Variants in USP49 observed in about 807,000 individuals in gnomAD.
USP49 encodes the protein ubiquitin specific peptidase 49, also known as ubiquitin carboxyl-terminal hydrolase 49.
In USP49, 24 loss-of-function variants were observed where a neutral mutation model predicts 58.6. The ratio of observed to expected loss-of-function variants is 0.41; its 90% CI spans 0.30 to 0.58. The LOEUF (loss-of-function observed/expected upper bound fraction) is 0.58, where lower values mean the gene tolerates loss of function less well. USP49 is among the 20% of genes least tolerant of loss of function. The pLI is 0.30. For missense variants in USP49, 703 were observed against 866.1 expected (o/e 0.81, Z 2.36); for synonymous variants, 408 against 365.1 (o/e 1.12, Z -1.34).
chr6:41,835,001 T>C (rs538590167), intron 3 of USP49, among the ~76,000 whole-genome samples: 1 of 151,968 alleles, frequency 6.6e-6, no homozygotes, highest in Non-Finnish European at 1.5e-5. Flanking sequence ...AGTGGAGAGA[T>C]GGTAATAAGG....
chr6:41,884,950 C>G (rs1415791071), intron 2 of USP49, among the ~76,000 whole-genome samples: 1 of 152,094 alleles, frequency 6.6e-6, no homozygotes, highest in East Asian at 1.9e-4. Flanking sequence ...AATCAAAATA[C>G]AAAAAGAACT....
In USP49 at chr6:41,816,702, C is replaced by CTATTATTATTATTATTAT. The variant is rs10631115; in HGVS notation, c.-28-9709_-28-9692dup. On this transcript the variant is annotated intron_variant, in intron 3 of 7. Transcript: ENST00000682992. ...GTGTACTCACACAGAGTTCCACACT[C>CTATTATTATTATTATTAT]TATTATTATTATTATTATTTTATTT... 3.7e-3 allele frequency among the ~76,000 whole-genome samples: 557 copies of CTATTATTATTATTATTAT among 149,628 alleles called. 6 individuals carry two copies. Among genetic ancestry groups the CTATTATTATTATTATTAT allele is most frequent in the African/African-American group, 0.013 (531 of 40,698 alleles).
At chr6:41,856,130 T>C (rs1479186406) in intron 3 of USP49, among the ~76,000 whole-genome samples, 2 of 151,984 alleles carry the variant, frequency 1.3e-5, no homozygotes, top group Non-Finnish European at 2.9e-5. Context: ...TCCCAGCACT[T>C]TGGGAGGCCT....
chr6:41,835,465 G>A (rs2127344181), intron 3 of USP49, among the ~76,000 whole-genome samples: 1 of 152,284 alleles, frequency 6.6e-6, no homozygotes, highest in South Asian at 2.1e-4. Context: ...TGTAATCCCA[G>A]CACTTTGGGA....
In USP49 at chr6:41,806,696, T is replaced by A. The variant is rs937247494; in HGVS notation, c.288A>T (p.Arg96Ser). Residue 96 changes from arginine to serine, a missense_variant, in exon 4 of 8, where the codon AGA (arginine) becomes AGT (serine). Around this residue, in one of 6 missense-constraint regions of USP49, gnomAD observed 376 missense variants for 373.5 expected, o/e 1.01. Transcript: ENST00000682992. The surrounding 1 kb of genome is among the most constrained non-coding windows in gnomAD (Gnocchi z 5.9). ...DNPEGDLKLL[R>S]SSLLAVRGQK... ...GGCCCCGGACCGCCAGGAGGGAGCT[T>A]CTTAGCAGCTTCAGGTCCCCCTCTG... is the stretch of plus-strand genomic sequence containing the variant. 1 of 1,614,104 alleles carries A rather than the reference T, an allele frequency of 6.2e-7. No homozygotes were observed. The highest frequency in any genetic ancestry group is 2.2e-5 in the East Asian group (1 of 44,902).
intron 3 of USP49, among the ~76,000 whole-genome samples, chr6:41,867,384 G>C (rs1444034813): frequency 2.0e-5 from 3 of 152,042 alleles, no homozygotes; most frequent in African/African-American, 7.2e-5. Flanking sequence ...CAATCTTTCT[G>C]TCTGCAAGTT....
intron 3 of USP49, among the ~76,000 whole-genome samples, chr6:41,864,017 C>G (rs1180745301): frequency 5.3e-5 from 8 of 151,514 alleles, no homozygotes; most frequent in Admixed American, 5.3e-4. Flanking sequence ...AATCCTACCA[C>G]CTCAGCCTCT....
chr6:41,851,790 T>C (rs933196530), intron 3 of USP49, among the ~76,000 whole-genome samples: 2 of 150,686 alleles, frequency 1.3e-5, no homozygotes, highest in African/African-American at 4.9e-5. Context: ...CCATCTCTAC[T>C]AAAAATACAA....
intron 3 of USP49, among the ~76,000 whole-genome samples, chr6:41,810,790 T>G (rs1236395909): frequency 6.6e-6 from 1 of 151,792 alleles, no homozygotes; most frequent in Admixed American, 6.6e-5. Flanking sequence ...CAGGTGATCC[T>G]GAGGTCAGGT....
At position 41,836,514 on chromosome 6, in the gene USP49, C is replaced by T. The variant is rs1489307685; in HGVS notation, c.-28-29503G>A. Among the ~76,000 whole-genome samples, 3 of 152,140 alleles carry T rather than the reference C, an allele frequency of 2.0e-5. No homozygotes were observed. In the East Asian group the frequency reaches 5.8e-4, roughly 29 times the overall value. ...CCTACTCAGCGTAGTACTGGAATTC[C>T]TAACCAGAACAATCAGGCAAGAAAA... On this transcript the variant is annotated intron_variant, in intron 3 of 7. Coordinates refer to ENST00000682992, the MANE Select transcript of USP49 (RefSeq NM_001286554.2).
At position 41,806,674 on chromosome 6, in the gene USP49, C is replaced by T; in HGVS notation, c.310G>A (p.Gly104Ser). The T allele has an allele frequency of 6.2e-7, 1 of 1,614,152 alleles. No individual in the cohort carries two copies. Among genetic ancestry groups the T allele is most frequent in the Non-Finnish European group, 8.5e-7 (1 of 1,180,040 alleles). The change falls in exon 4 of 8, where the codon GGC becomes AGC. Residue 104 changes from glycine (G) to serine (S), a missense_variant. By Grantham distance (56) the Gly-to-Ser change is moderately conservative. Around this residue, in one of 6 missense-constraint regions of USP49, gnomAD observed 376 missense variants for 373.5 expected, o/e 1.01. Transcript: ENST00000682992. This position sits in a 1 kb window ranked among gnomAD's most constrained non-coding sequence, Gnocchi z 5.9. ...CTCACCGGCGTGTCCTGTTTCTGGC[C>T]CCGGACCGCCAGGAGGGAGCTTCTT... ...LLRSSLLAVR[G>S]QKQDTPVRRG... is the part of the protein sequence containing the mutation.
rs974130884 is a variant in USP49 at position 41,796,366 on chromosome 6, A to C, written c.*167T>G. The C allele has an allele frequency of 1.9e-6, 1 of 535,308 alleles. No homozygotes were observed. The highest frequency in any genetic ancestry group is 1.9e-5 in the African/African-American group (1 of 53,384). 33.2% of individuals were successfully genotyped at this position (535,308 alleles called of 1,614,324 possible). A position where few individuals can be genotyped will look rare whatever the true frequency, so the allele number is the denominator to read the frequency against. ...GGAACTCCCAAACTCATTCAAAAGA[A>C]AGAGACTATAAAATTTACGACAGGA... On this transcript the variant is annotated 3_prime_UTR_variant, in exon 8 of 8. Coordinates refer to ENST00000682992, the MANE Select transcript of USP49 (RefSeq NM_001286554.2).
intron 3 of USP49, among the ~76,000 whole-genome samples, chr6:41,836,287 T>C (rs151001889): frequency 1.3e-4 from 20 of 152,164 alleles, no homozygotes; most frequent in African/African-American, 4.8e-4. Flanking sequence ...ATCATCTCCA[T>C]AGATGCAGAA....
At position 41,827,649 on chromosome 6, in the gene USP49, G is replaced by T. The variant is rs1351048073; in HGVS notation, c.-28-20638C>A. 2.1e-5 allele frequency among the ~76,000 whole-genome samples: 3 copies of T among 146,226 alleles called. No individual in the cohort carries two copies. The East Asian group carries it at 5.9e-4, about 29-fold the overall frequency. On this transcript the variant is annotated intron_variant, in intron 3 of 7. Coordinates refer to ENST00000682992, the MANE Select transcript of USP49 (RefSeq NM_001286554.2). Reference sequence around the variant, plus strand: ...CCCTCCAGCCTGGGCAATAGAGCAAGGGGCAATACAGCAAGACTCTGTCTC... The same window carrying T: ...CCCTCCAGCCTGGGCAATAGAGCAATGGGCAATACAGCAAGACTCTGTCTC...
chr6:41,820,180 AG>A (rs1451854785), intron 3 of USP49, among the ~76,000 whole-genome samples: 1 of 70,902 alleles, frequency 1.4e-5, no homozygotes, highest in Admixed American at 1.8e-4. Flanking sequence ...CTACATCATT[AG>A]TTTTTTTTTT....
intron 2 of USP49, among the ~76,000 whole-genome samples, chr6:41,882,788 C>T (rs1182568560): frequency 6.6e-6 from 1 of 152,046 alleles, no homozygotes; most frequent in Non-Finnish European, 1.5e-5. Context: ...TGGTGGCACG[C>T]GTCTGTAGTC....
chr6:41,799,749 A>G (rs182461325), intron 6 of USP49, 81 bp downstream of exon 6: 67 of 1,244,554 alleles, frequency 5.4e-5, no homozygotes, highest in Non-Finnish European at 4.9e-5. Context: ...AACACCATAG[A>G]AGACATTTGC....
chr6:41,883,896 C>T (rs1294554892), intron 2 of USP49, among the ~76,000 whole-genome samples: 10 of 152,106 alleles, frequency 6.6e-5, no homozygotes, highest in Admixed American at 6.5e-4. Context: ...TGGACATGTG[C>T]AAGACTGTTA....
At chr6:41,841,004 G>C (rs1363258571) in intron 3 of USP49, among the ~76,000 whole-genome samples, 3 of 149,652 alleles carry the variant, frequency 2.0e-5, no homozygotes, top group Admixed American at 2.0e-4. Context: ...GATCCTTGTA[G>C]ACCTTGTTTC....
Sources: allele counts gnomAD v4.1 joint callset (sites outside exome capture counted in the v4.1 genomes callset), GRCh38; gene constraint gnomAD v4.1.1; regional missense constraint gnomAD v4.1.1; non-coding constraint Gnocchi (gnomAD v3.1); transcripts MANE v1.5; gene names NCBI Gene and HGNC (gene_info 2026-07-23, HGNC 2026-07-21).